Variants in RNF17 observed in about 807,000 individuals in gnomAD.
RNF17 encodes the protein spermatogenesis associated 23.
A neutral mutation model predicts 200.5 loss-of-function variants in RNF17; 31 were observed. The ratio of observed to expected loss-of-function variants is 0.15; its 90% CI spans 0.12 to 0.21. RNF17 has a LOEUF of 0.21. Ranked by LOEUF, RNF17 falls within the 10% of genes least tolerant of loss-of-function variation. RNF17 has a pLI of 1.00. For synonymous variants in RNF17, 606 were observed against 637.8 expected, an observed-to-expected ratio of 0.95 and a Z score of 0.75; for missense variants, 1,628 against 1,905.1, an observed-to-expected ratio of 0.85 and a Z score of 2.71.
Position 24,774,916 on chromosome 13 carries a change from G to A in RNF17, c.317+12G>A, listed in dbSNP as rs1437062062. 1.3e-6 allele frequency: 2 copies of A among 1,501,280 alleles called. No homozygotes were observed. Among genetic ancestry groups the A allele is most frequent in the East Asian group, 2.3e-5 (1 of 44,144 alleles). The allele number at this position is 1,501,280 out of a possible 1,614,324, so 93.0% of individuals were successfully genotyped here. ...CTGCAGCCTAAGACGTATGTTCCATGTGTACTTATTTGAGTATTTAAAGTC... is the reference window on the plus strand; with the variant it reads ...CTGCAGCCTAAGACGTATGTTCCATATGTACTTATTTGAGTATTTAAAGTC... On this transcript the variant is annotated intron_variant, in intron 3 of 35. Transcript: ENST00000255324.
rs1889449232 is a variant in RNF17, at chr13:24,831,839, G to A, written c.2362-19G>A. On this transcript the variant is annotated intron_variant, in intron 17 of 35. Transcript: ENST00000255324. The stretch of plus-strand genomic sequence containing the variant: ...GAAATTAAATTTTTTTCTTAATGGT[G>A]GAATTTTGTCTGACACAGGCAATTA... The A allele has an allele frequency of 6.3e-7, 1 of 1,584,462 alleles. No individual in the cohort carries two copies. Among genetic ancestry groups the A allele is most frequent in the East Asian group, 2.3e-5 (1 of 44,230 alleles).
At chr13:24,802,322 C>T (rs781133964) in intron 13 of RNF17, 59 bp from the exon 14 acceptor site, 27 of 1,432,898 alleles carry the variant, frequency 1.9e-5, no homozygotes, top group African/African-American at 2.8e-5. Context: ...AAATCCAGAA[C>T]ATTGTAACAT....
In RNF17 at chr13:24,862,723, T is replaced by A; in HGVS notation, c.3905T>A (p.Val1302Asp). The stretch of plus-strand genomic sequence containing the variant: ...ATTAATCTCAAATAGGTTGGGAATG[T>A]CTGGCAACCAGATGCAATAGAAGTT... ...QLHNTTPVGN[V>D]WQPDAIEVLQ... The change falls in exon 28 of 36, where the codon GTC becomes GAC. Residue 1302 changes from valine (V) to aspartate (D), a missense_variant. Physicochemically the swap from Val to Asp is radical, Grantham distance 152 (BLOSUM62 -3). Around this residue, in one of 5 missense-constraint regions of RNF17, gnomAD observed 609 missense variants for 681.9 expected, o/e 0.89. Transcript: ENST00000255324. The A allele has an allele frequency of 6.2e-7, 1 of 1,604,802 alleles. No homozygotes were observed.
At chr13:24,883,385 A>AAAAT (rs1953920039), downstream of RNF17, 4 of 1,563,290 alleles carry the variant, frequency 2.6e-6, no homozygotes, top group South Asian at 4.9e-5. Flanking sequence ...AAATTTAAAA[A>AAAAT]AAATATGATT....
chr13:24,863,573 A>C (rs1453184999), intron 28 of RNF17, among the ~76,000 whole-genome samples: 2 of 152,118 alleles, frequency 1.3e-5, no homozygotes, highest in Non-Finnish European at 2.9e-5. Flanking sequence ...TGGTAAGGAA[A>C]GTATTTCTGT....
At chr13:24,881,088 T>C (rs1953800864), downstream of RNF17, among the ~76,000 whole-genome samples, 1 of 152,190 alleles carries the variant, frequency 6.6e-6, no homozygotes, top group African/African-American at 2.4e-5. Flanking sequence ...TCTTCTAATT[T>C]GGGGCTTGCC....
chr13:24,752,748 G>C, the RNF17 span, among the ~76,000 whole-genome samples: 1 of 152,240 alleles, frequency 6.6e-6, no homozygotes, highest in African/African-American at 2.4e-5. Flanking sequence ...GTGCTGCCAG[G>C]TTCTTAACAG....
At chr13:24,841,997 T>C (rs1890691283) in intron 18 of RNF17, 44 bp from the exon 19 acceptor site, 8 of 1,562,442 alleles carry the variant, frequency 5.1e-6, no homozygotes, top group Middle Eastern at 1.7e-4. Context: ...TTACTATATT[T>C]TGTGACATAT....
intron 25 of RNF17, among the ~76,000 whole-genome samples, chr13:24,855,114 C>T (rs980785271): frequency 6.6e-6 from 1 of 152,006 alleles, no homozygotes; most frequent in East Asian, 1.9e-4. Context: ...TCAAACTGTT[C>T]GAGATTTGTC....
At chr13:24,792,015 G>A (rs966072930) in intron 9 of RNF17, among the ~76,000 whole-genome samples, 5 of 152,092 alleles carry the variant, frequency 3.3e-5, no homozygotes, top group Admixed American at 1.3e-4. Flanking sequence ...CCAGTCCTTC[G>A]GCTCAGTCAT....
At chr13:24,864,166 A>C (rs973249679) in intron 28 of RNF17, among the ~76,000 whole-genome samples, 1 of 152,222 alleles carries the variant, frequency 6.6e-6, no homozygotes, top group African/African-American at 2.4e-5. Context: ...TAAAATGGTT[A>C]GAGGACAGAC....
intron 19 of RNF17, among the ~76,000 whole-genome samples, chr13:24,842,771 T>A (rs1169596253): frequency 1.3e-5 from 2 of 152,014 alleles, no homozygotes; most frequent in African/African-American, 4.8e-5. Flanking sequence ...GCGGATCACT[T>A]GAGAGGAGTT....
At chr13:24,824,303 C>T (rs752402372) in intron 15 of RNF17, 5 of 655,234 alleles carry the variant, frequency 7.6e-6, no homozygotes, top group African/African-American at 1.8e-5. Context: ...CGTCATTCCT[C>T]TGCTGAATTT....
intron 2 of RNF17, among the ~76,000 whole-genome samples, chr13:24,772,641 C>T (rs557318034): frequency 1.8e-3 from 268 of 150,204 alleles, no homozygotes; most frequent in African/African-American, 5.9e-3. Context: ...ACAAGAGTTT[C>T]GCTCTGTCAC....
intron 16 of RNF17, 68 bp downstream of exon 16, chr13:24,825,840 A>G (rs1480620094): frequency 1.3e-6 from 2 of 1,502,234 alleles, no homozygotes; most frequent in Admixed American, 4.0e-5. Flanking sequence ...TTGAGTTGGT[A>G]CCAATTCAAT....
intron 20 of RNF17, 73 bp downstream of exon 20, chr13:24,844,044 T>A: frequency 2.0e-6 from 1 of 490,364 alleles, no homozygotes; most frequent in Non-Finnish European, 3.3e-6. Context: ...TTCAAAGATC[T>A]AGAAGTCATA....
At chr13:24,855,253 A>C (rs1448833224) in intron 25 of RNF17, among the ~76,000 whole-genome samples, 1 of 152,140 alleles carries the variant, frequency 6.6e-6, no homozygotes, top group Non-Finnish European at 1.5e-5. Context: ...GTGATTACAA[A>C]AAATCCTACT....
chr13:24,775,340 C>G (rs945163193), intron 3 of RNF17, among the ~76,000 whole-genome samples: 2 of 152,194 alleles, frequency 1.3e-5, no homozygotes, highest in African/African-American at 4.8e-5. Context: ...GCCTCAGACT[C>G]CTGGTCTCAA....
chr13:24,826,062 G>C, intron 16 of RNF17: 1 of 985,066 alleles, frequency 1.0e-6, no homozygotes, highest in Non-Finnish European at 1.2e-6. Flanking sequence ...GTTTGATGTT[G>C]ACTGTTTGTC....
Sources: gnomAD v4.1 joint callset for allele counts (sites outside exome capture counted in the v4.1 genomes callset) on GRCh38, gnomAD v4.1.1 for gene constraint, gnomAD v4.1.1 regional missense constraint, MANE v1.5 for transcripts, NCBI Gene and HGNC (gene_info 2026-07-23, HGNC 2026-07-21) for gene names.